The following KANK1 variants were observed in gnomAD, a reference collection of about 807,000 sequenced individuals.
The protein encoded by KANK1 is KN motif and ankyrin repeat domains 1, also known as KN motif and ankyrin repeat domain-containing protein 1.
Under a neutral mutation model 106.2 loss-of-function variants are expected in KANK1, and 109 were observed. That is an observed-to-expected ratio of 1.03 (90% CI 0.88 to 1.20). The LOEUF is 1.20. Ranked by LOEUF, KANK1 falls within the 50% of genes most tolerant of loss-of-function variation. The pLI, the probability that KANK1 is intolerant of heterozygous loss-of-function variation, is 0.00. For missense variants in KANK1, 2,399 were observed against 1,710.7 expected, an observed-to-expected ratio of 1.40 and a Z score of -7.10; for synonymous variants, 873 against 652.2, an observed-to-expected ratio of 1.34 and a Z score of -5.16.
At chr9:659,226 T>C (rs555232391) in intron 1 of KANK1, among the ~76,000 whole-genome samples, 4 of 152,234 alleles carry the variant, frequency 2.6e-5, no homozygotes, top group South Asian at 4.1e-4. Flanking sequence ...GGATGTTTTC[T>C]AAATCCCTAG....
At chr9:716,147 C>G (rs545994506) in intron 3 of KANK1, among the ~76,000 whole-genome samples, 31 of 152,296 alleles carry the variant, frequency 2.0e-4, no homozygotes, top group Admixed American at 5.9e-4. Flanking sequence ...TTATATGAAC[C>G]TAACACAGTA....
At position 738,513 on chromosome 9, in the gene KANK1, G is replaced by C. The variant is rs1282749647; in HGVS notation, c.3553+9G>C. 1 of 1,607,460 alleles carries C rather than the reference G, an allele frequency of 6.2e-7. No individual in the cohort carries two copies. The highest frequency in any genetic ancestry group is 2.2e-5 in the East Asian group (1 of 44,850). ...GCTGCTGTTAGATGCCGGTATGTTG[G>C]CTGCCCTTCCACCCTCTCTTCTCTA... On this transcript the variant is annotated intron_variant, in intron 8 of 11. Coordinates refer to ENST00000382297, the MANE Select transcript of KANK1 (RefSeq NM_015158.5).
chr9:484,883 C>T (rs2058264864), intron 3 of KANK1, among the ~76,000 whole-genome samples: 1 of 151,562 alleles, frequency 6.6e-6, no homozygotes, highest in African/African-American at 2.4e-5. Flanking sequence ...GCATGGGATT[C>T]ATCCCACCTT....
intron 1 of KANK1, among the ~76,000 whole-genome samples, chr9:535,435 T>A (rs1291545836): frequency 2.0e-5 from 3 of 152,190 alleles, no homozygotes; most frequent in African/African-American, 7.2e-5. Context: ...ATAGCTCACA[T>A]TTTTGGTGCC....
Position 712,536 on chromosome 9 carries a change from C to G in KANK1, c.1770C>G (p.Asp590Glu), listed in dbSNP as rs1273233854. Residue 590 changes from aspartate to glutamate, a missense_variant, in exon 3 of 12, where the codon GAC (aspartate) becomes GAG (glutamate). Asp to Glu is a conservative substitution (Grantham distance 45). Coordinates refer to ENST00000382297, the MANE Select transcript of KANK1 (RefSeq NM_015158.5). The part of the protein sequence containing the change: ...RCAGRSVEMC[D>E]KSVSVEVSVC... ...CTGGGAGGTCTGTGGAAATGTGTGA[C>G]AAGAGTGTGAGTGTGGAAGTCAGCG... 7.4e-6 allele frequency: 12 copies of G among 1,614,016 alleles called. No homozygotes were observed. Among genetic ancestry groups the G allele is most frequent in the African/African-American group, 1.3e-5 (1 of 74,908 alleles).
intron 1 of KANK1, chr9:673,748 C>T (rs558759549): frequency 6.6e-6 from 1 of 152,076 alleles, no homozygotes; most frequent in African/African-American, 2.4e-5. Flanking sequence ...TTGACACATA[C>T]TTCATTCACC....
At chr9:514,004 G>A (rs1037398982) in intron 1 of KANK1, among the ~76,000 whole-genome samples, 8 of 140,710 alleles carry the variant, frequency 5.7e-5, no homozygotes, top group Non-Finnish European at 1.2e-4. Context: ...GTGACAGAGC[G>A]AGACTCCGTC....
intron 1 of KANK1, among the ~76,000 whole-genome samples, chr9:531,920 T>C (rs1189619038): frequency 6.6e-6 from 1 of 152,198 alleles, no homozygotes; most frequent in African/African-American, 2.4e-5. Context: ...AAGAGAACTT[T>C]TGTCTAGATG....
chr9:714,588 C>A (rs1827182506), intron 3 of KANK1, among the ~76,000 whole-genome samples: 1 of 152,028 alleles, frequency 6.6e-6, no homozygotes, highest in Non-Finnish European at 1.5e-5. Flanking sequence ...GAACTCCTGA[C>A]CTCAGGTGAT....
At chr9:667,566 A>G (rs1436037948) in intron 1 of KANK1, among the ~76,000 whole-genome samples, 1 of 151,964 alleles carries the variant, frequency 6.6e-6, no homozygotes, top group African/African-American at 2.4e-5. Flanking sequence ...TTATTGCTAT[A>G]AACCTCCCTC....
At chr9:582,980 A>C (rs1214951787) in intron 1 of KANK1, among the ~76,000 whole-genome samples, 2 of 152,242 alleles carry the variant, frequency 1.3e-5, no homozygotes, top group African/African-American at 4.8e-5. Flanking sequence ...CTCCTAGCCA[A>C]AAATATTTTT....
intron 1 of KANK1, among the ~76,000 whole-genome samples, chr9:629,955 AT>A (rs1381800485): frequency 3.3e-5 from 5 of 152,220 alleles, no homozygotes; most frequent in Non-Finnish European, 7.3e-5. Context: ...AATAATAAGA[AT>A]AAAAGTGAAG....
chr9:713,045 G>C lies in KANK1; in HGVS notation c.2279G>C (p.Gly760Ala), dbSNP rs764534086. 6.2e-6 allele frequency: 10 copies of C among 1,614,196 alleles called. No homozygotes were observed. The highest frequency in any genetic ancestry group is 7.6e-6 in the Non-Finnish European group (9 of 1,180,038). ...RPSAVKTKES[G>A]VGQININDNY... ...TCAGCTGTGAAGACCAAAGAGTCAG[G>C]TGTGGGGCAGATAAATATTAACGAC... The change falls in exon 3 of 12, where the codon GGT (glycine) becomes GCT (alanine). Residue 760 changes from glycine (G) to alanine (A), a missense_variant. Physicochemically the swap from Gly to Ala is moderately conservative, Grantham distance 60. Transcript: ENST00000382297.
intron 2 of KANK1, among the ~76,000 whole-genome samples, chr9:709,976 G>A (rs1217943792): frequency 6.6e-6 from 1 of 152,120 alleles, no homozygotes; most frequent in African/African-American, 2.4e-5. Context: ...CTATGTGCTT[G>A]TCTCTTAATC....
intron 2 of KANK1, among the ~76,000 whole-genome samples, chr9:677,305 C>G (rs1450853343): frequency 6.6e-6 from 1 of 152,196 alleles, no homozygotes; most frequent in African/African-American, 2.4e-5. Context: ...GTATACTCCT[C>G]TTGCACTTCT....
At chr9:510,029 C>G (rs946639823) in intron 1 of KANK1, among the ~76,000 whole-genome samples, 1 of 150,658 alleles carries the variant, frequency 6.6e-6, no homozygotes, top group Non-Finnish European at 1.5e-5. Flanking sequence ...CCAGGCGGGT[C>G]TCAAACTCCT....
intron 1 of KANK1, among the ~76,000 whole-genome samples, chr9:527,881 G>C (rs927485496): frequency 6.7e-6 from 1 of 148,856 alleles, no homozygotes; most frequent in African/African-American, 2.6e-5. Context: ...GGGCGCGATG[G>C]CTCATGCCTG....
chr9:614,301 C>T (rs1000280956), intron 1 of KANK1, among the ~76,000 whole-genome samples: 1 of 152,192 alleles, frequency 6.6e-6, no homozygotes, highest in Non-Finnish European at 1.5e-5. Flanking sequence ...GCAATATGAT[C>T]TCTCTCAGGA....
At chr9:594,051 G>A (rs986361107) in intron 1 of KANK1, among the ~76,000 whole-genome samples, 1 of 151,914 alleles carries the variant, frequency 6.6e-6, no homozygotes, top group Non-Finnish European at 1.5e-5. Context: ...GATCTATGGT[G>A]CTGCGCTCGA....
Sources: allele counts gnomAD v4.1 joint callset (sites outside exome capture counted in the v4.1 genomes callset), GRCh38; gene constraint gnomAD v4.1.1; transcripts MANE v1.5; gene names NCBI Gene and HGNC (gene_info 2026-07-23, HGNC 2026-07-21).